Variants in RERE observed in about 807,000 individuals in gnomAD.
The protein encoded by RERE is arginine-glutamic acid dipeptide repeats.
Under a neutral mutation model 146.1 loss-of-function variants are expected in RERE, and 40 were observed. The ratio of observed to expected loss-of-function variants is 0.27; its 90% CI spans 0.21 to 0.36. RERE has a LOEUF of 0.36. Among genes scored for constraint, RERE ranks in the 10% least tolerant of loss-of-function variants. The probability of loss-of-function intolerance (pLI) is 1.00; values close to 1 mark genes in which losing one functional copy is unlikely to be tolerated. For synonymous variants in RERE, 1,003 were observed against 866.0 expected (o/e 1.16, Z -2.78); for missense variants, 1,933 against 2,138.7 (o/e 0.90, Z 1.90).
chr1:8,402,281 C>T (rs1643288694), intron 12 of RERE, among the ~76,000 whole-genome samples: 1 of 152,170 alleles, frequency 6.6e-6, no homozygotes, highest in Non-Finnish European at 1.5e-5. Flanking sequence ...GCCAGGTTTC[C>T]ATCCCAGTCG....
chr1:8,358,573 T>C lies in RERE; in HGVS notation c.3962A>G (p.Glu1321Gly). Residue 1321 changes from glutamate (E) to glycine (G), a missense_variant, in exon 20 of 23, where the codon GAG becomes GGG. Coordinates refer to ENST00000400908, the MANE Select transcript of RERE (RefSeq NM_001042681.2). Reference sequence around the variant, plus strand: ...CACCTCGAAGCCCGGCTTCATCCTCTCCCGCAGCTCCCGCTCTCGGATCTC... The same window carrying C: ...CACCTCGAAGCCCGGCTTCATCCTCCCCCGCAGCTCCCGCTCTCGGATCTC... ...EREIRERELRERMKPGFEVKP... is the reference protein window; with the variant it reads ...EREIRERELRGRMKPGFEVKP... 1 of 1,605,994 alleles carries C rather than the reference T, an allele frequency of 6.2e-7. No homozygotes were observed. The highest frequency in any genetic ancestry group is 8.5e-7 in the Non-Finnish European group (1 of 1,176,632).
chr1:8,623,759 C>T (rs893539946), intron 3 of RERE, among the ~76,000 whole-genome samples: 2 of 152,150 alleles, frequency 1.3e-5, no homozygotes, highest in Non-Finnish European at 2.9e-5. Flanking sequence ...TAGCTATGTC[C>T]TTACTTCTGC....
At chr1:8,798,698 C>CTT (rs1382260278) in intron 1 of RERE, 4 of 153,124 alleles carry the variant, frequency 2.6e-5, no homozygotes, top group Non-Finnish European at 5.7e-5. Context: ...TCTTTTTTTT[C>CTT]TTTTTTTTTT....
At chr1:8,366,904 GA>G (rs1185661395) in intron 12 of RERE, among the ~76,000 whole-genome samples, 737 of 25,514 alleles carry the variant, frequency 0.029, 6 homozygotes, top group African/African-American at 0.075. Flanking sequence ...ACCTAGAACT[GA>G]AAAAAAAAAA....
At chr1:8,499,692 C>A (rs1645103208) in intron 8 of RERE, among the ~76,000 whole-genome samples, 1 of 152,244 alleles carries the variant, frequency 6.6e-6, no homozygotes, top group African/African-American at 2.4e-5. Flanking sequence ...GTCTTCCATG[C>A]CTCTAAATGT....
chr1:8,767,948 A>G (rs1569752296), intron 1 of RERE, among the ~76,000 whole-genome samples: 1 of 152,272 alleles, frequency 6.6e-6, no homozygotes, highest in Middle Eastern at 3.4e-3. Context: ...CCTGGGTGAC[A>G]GAGCGAAACT....
intron 4 of RERE, among the ~76,000 whole-genome samples, chr1:8,608,029 C>CGTTTTT (rs942445876): frequency 6.6e-6 from 1 of 151,828 alleles, no homozygotes; most frequent in Admixed American, 6.6e-5. Context: ...CCCAGCCTAA[C>CGTTTTT]GTTTTTGTTT....
At chr1:8,657,366 C>T (rs1236934477) in intron 1 of RERE, among the ~76,000 whole-genome samples, 1 of 150,780 alleles carries the variant, frequency 6.6e-6, no homozygotes, top group Non-Finnish European at 1.5e-5. Flanking sequence ...GCATAGAGCA[C>T]TATATTCTAA....
chr1:8,429,647 T>C (rs1644066567), intron 11 of RERE, among the ~76,000 whole-genome samples: 1 of 152,222 alleles, frequency 6.6e-6, no homozygotes, highest in African/African-American at 2.4e-5. Flanking sequence ...GAATTTTAAC[T>C]AGTGTATCAC....
chr1:8,546,564 T>C (rs1403243463), intron 6 of RERE, among the ~76,000 whole-genome samples: 1 of 151,986 alleles, frequency 6.6e-6, no homozygotes, highest in Non-Finnish European at 1.5e-5. Context: ...AGTATGTCTG[T>C]AGGCCAGGTG....
intron 6 of RERE, among the ~76,000 whole-genome samples, chr1:8,546,901 A>G (rs1645869793): frequency 1.3e-5 from 2 of 151,876 alleles, no homozygotes; most frequent in Non-Finnish European, 2.9e-5. Context: ...AGGGGGAAAA[A>G]GTCCAAAACT....
At chr1:8,374,201 G>A (rs1173202319) in intron 12 of RERE, among the ~76,000 whole-genome samples, 1 of 152,184 alleles carries the variant, frequency 6.6e-6, no homozygotes, top group Non-Finnish European at 1.5e-5. Context: ...CAGTCCCTCG[G>A]TGCCACCTCC....
chr1:8,423,760 C>G lies in RERE; in HGVS notation c.1204-953G>C, dbSNP rs1484209762. On this transcript the variant is annotated intron_variant, in intron 11 of 22. Transcript: ENST00000400908. This position sits in a 1 kb window ranked among gnomAD's most constrained non-coding sequence, Gnocchi z 5.4. ...GGGCCCGGGGGGCGCGGGGCTGGGG[C>G]CGCCGCTGACGGGGGAGGAGGCAGG... 1 of 885,868 alleles carries G rather than the reference C, an allele frequency of 1.1e-6. No homozygotes were observed. The highest frequency in any genetic ancestry group is 1.8e-5 in the African/African-American group (1 of 54,734). The allele number at this position is 885,868 out of a possible 1,614,324, so 54.9% of individuals were successfully genotyped here. A position where few individuals can be genotyped will look rare whatever the true frequency, so the allele number is the denominator to read the frequency against.
chr1:8,500,128 TAAC>T (rs1400231744), intron 8 of RERE, among the ~76,000 whole-genome samples: 1 of 152,084 alleles, frequency 6.6e-6, no homozygotes, highest in Non-Finnish European at 1.5e-5. Context: ...CTCAAAATAA[TAAC>T]AACAATAATA....
intron 12 of RERE, among the ~76,000 whole-genome samples, chr1:8,375,439 C>T (rs564898260): frequency 6.6e-6 from 1 of 152,364 alleles, no homozygotes; most frequent in South Asian, 2.1e-4. Flanking sequence ...ACGCAATCCA[C>T]ATGCCGATGT....
intron 4 of RERE, among the ~76,000 whole-genome samples, chr1:8,595,527 T>G (rs1307426548): frequency 6.6e-6 from 1 of 151,686 alleles, no homozygotes; most frequent in Admixed American, 6.6e-5. Context: ...TTTTATGTAT[T>G]TATTTTAATG....
rs190531041 is a variant in RERE, at chr1:8,786,483, T to C, written c.-145+30677A>G. 7.7e-3 allele frequency: 6,581 copies of C among 858,506 alleles called. 52 individuals carry two copies. The highest frequency in any genetic ancestry group is 0.014 in the Middle Eastern group (49 of 3,582). 53.2% of individuals were successfully genotyped at this position (858,506 alleles called of 1,614,324 possible). A position where few individuals can be genotyped will look rare whatever the true frequency, so the allele number is the denominator to read the frequency against. Reference sequence around the variant, plus strand: ...TGCCATAACCACGCTTGTAGATTAGTTCATTTACTGACTTCAGATTTGGGT... The same window carrying C: ...TGCCATAACCACGCTTGTAGATTAGCTCATTTACTGACTTCAGATTTGGGT... On this transcript the variant is annotated intron_variant, in intron 1 of 22. Transcript: ENST00000400908.
intron 11 of RERE, among the ~76,000 whole-genome samples, chr1:8,433,284 G>A (rs1174877588): frequency 2.6e-5 from 4 of 152,140 alleles, no homozygotes; most frequent in Non-Finnish European, 4.4e-5. Context: ...TAGCCTCTTG[G>A]TCCTACAAAG....
chr1:8,722,694 A>G (rs1273301370), intron 1 of RERE, among the ~76,000 whole-genome samples: 2 of 152,260 alleles, frequency 1.3e-5, no homozygotes, highest in Non-Finnish European at 2.9e-5. Flanking sequence ...ATAACTATTT[A>G]CATGGCCTTT....
Sources: gnomAD v4.1 joint callset for allele counts (sites outside exome capture counted in the v4.1 genomes callset) on GRCh38, gnomAD v4.1.1 for gene constraint, Gnocchi (gnomAD v3.1) non-coding constraint, MANE v1.5 for transcripts, NCBI Gene and HGNC (gene_info 2026-07-23, HGNC 2026-07-21) for gene names.